ATAD2: variants seen among roughly 807,000 people sequenced by gnomAD.
The protein encoded by ATAD2 is ATPase family AAA domain-containing protein 2.
A neutral mutation model predicts 168.9 loss-of-function variants in ATAD2; 62 were observed. The ratio of observed to expected loss-of-function variants is 0.37; its 90% CI spans 0.30 to 0.45. The LOEUF is 0.45. Ranked by LOEUF, ATAD2 falls within the 20% of genes least tolerant of loss-of-function variation. The pLI, the probability that ATAD2 is intolerant of heterozygous loss-of-function variation, is 1.00. For synonymous variants in ATAD2, 613 were observed against 571.6 expected, an observed-to-expected ratio of 1.07 and a Z score of -1.03; for missense variants, 1,419 against 1,667.8, an observed-to-expected ratio of 0.85 and a Z score of 2.60.
At chr8:123,343,146 G>T (rs999402503) in intron 19 of ATAD2, among the ~76,000 whole-genome samples, 2 of 151,868 alleles carry the variant, frequency 1.3e-5, no homozygotes, top group Non-Finnish European at 2.9e-5. Context: ...CACCATGTCC[G>T]GCTAATTTTT....
chr8:123,343,568 T>C (rs1828133390), intron 19 of ATAD2, among the ~76,000 whole-genome samples: 2 of 152,138 alleles, frequency 1.3e-5, no homozygotes, highest in African/African-American at 4.8e-5. Context: ...TTCCTACTAG[T>C]GTTCTAAAAA....
chr8:123,343,626 C>T (rs1246370635), intron 19 of ATAD2, among the ~76,000 whole-genome samples: 2 of 152,134 alleles, frequency 1.3e-5, no homozygotes, highest in African/African-American at 2.4e-5. Context: ...TAAACTCATT[C>T]ATTAAAATAC....
At chr8:123,401,085 C>T (rs778102508), upstream of ATAD2, 14 of 1,551,582 alleles carry the variant, frequency 9.0e-6, no homozygotes, top group African/African-American at 1.1e-4. Context: ...CTGAGAAGGA[C>T]CACACCACCC....
chr8:123,325,849 T>G (rs1827600038), intron 26 of ATAD2, 44 bp downstream of exon 26: 1 of 1,600,578 alleles, frequency 6.2e-7, no homozygotes, highest in Non-Finnish European at 8.5e-7. Context: ...GTTTGGGGAT[T>G]AGTAATCTGC....
Position 123,347,892 on chromosome 8 carries a change from A to G in ATAD2, c.1897+291T>C, listed in dbSNP as rs937036567. The G allele has an allele frequency of 9.0e-6, 3 of 334,170 alleles. No homozygotes were observed. In the South Asian group the frequency reaches 1.1e-4, roughly 12 times the overall value. 20.7% of individuals were successfully genotyped at this position (334,170 alleles called of 1,614,324 possible). On this transcript the variant is annotated intron_variant, in intron 15 of 27. Transcript: ENST00000287394. ...GCTATTATCTTATTATGATATAATA[A>G]TATATTGTATTTTGTACAATTATAT...
chr8:123,396,181 A>T lies in ATAD2; in HGVS notation c.171+6T>A. 2 of 1,565,528 alleles carry T rather than the reference A, an allele frequency of 1.3e-6. No individual in the cohort carries two copies. Among genetic ancestry groups the T allele is most frequent in the Non-Finnish European group, 1.7e-6 (2 of 1,162,110 alleles). Reference sequence around the variant, plus strand: ...CCCTGGGAGCCCGCCTCAGGCCCGTACTCACGCCCGCTTTGGCTGTGGTCG... The same window carrying T: ...CCCTGGGAGCCCGCCTCAGGCCCGTTCTCACGCCCGCTTTGGCTGTGGTCG... On this transcript the variant is annotated splice_donor_region_variant and intron_variant, in intron 1 of 27. Coordinates refer to ENST00000287394, the MANE Select transcript of ATAD2 (RefSeq NM_014109.4).
chr8:123,380,037 C>G (rs1407285537), intron 2 of ATAD2, among the ~76,000 whole-genome samples: 1 of 151,910 alleles, frequency 6.6e-6, no homozygotes. Flanking sequence ...CAGGCATGCG[C>G]CACCATGCCC....
At chr8:123,371,924 T>C (rs1217631634) in intron 3 of ATAD2, 89 bp from the exon 4 acceptor site, 6 of 1,222,352 alleles carry the variant, frequency 4.9e-6, no homozygotes, top group Admixed American at 6.8e-5. Flanking sequence ...TGAAAAGCTA[T>C]ACTTTCATGT....
rs182855154 is a variant in ATAD2 at position 123,325,487 on chromosome 8, C to T, written c.4002+406G>A. On this transcript the variant is annotated intron_variant, in intron 26 of 27. Transcript: ENST00000287394. ...ATTTTTAGTAGAGATGGGGTTTCAC[C>T]GTGTTAGCCAGGATGGTCTCAATCT... Among the ~76,000 whole-genome samples the T allele has an allele frequency of 1.2e-3, 177 of 152,104 alleles. 1 individual carries two copies. The highest frequency in any genetic ancestry group is 4.1e-3 in the African/African-American group (172 of 41,500).
At chr8:123,328,724 C>T (rs1254094723) in intron 24 of ATAD2, 145 bp from the exon 25 acceptor site, 1 of 859,410 alleles carries the variant, frequency 1.2e-6, no homozygotes, top group East Asian at 3.1e-5. Context: ...AAGAATAGAG[C>T]ATACTGTGAG....
Position 123,333,941 on chromosome 8 carries a change from A to C in ATAD2, c.3415T>G (p.Ser1139Ala), listed in dbSNP as rs1287993534. 1 of 1,614,150 alleles carries C rather than the reference A, an allele frequency of 6.2e-7. No individual in the cohort carries two copies. The highest frequency in any genetic ancestry group is 8.5e-7 in the Non-Finnish European group (1 of 1,179,998). Residue 1139 changes from serine (S) to alanine (A), a missense_variant, in exon 24 of 28, where the codon TCA (serine) becomes GCA (alanine). Around this residue, in one of 5 missense-constraint regions of ATAD2, gnomAD observed 303 missense variants for 304.3 expected, o/e 1.00. Transcript: ENST00000287394. ...QNSTLVGDKR[S>A]DPEQNEKLKT... Reference sequence around the variant, plus strand: ...AGCTTTTCATTCTGCTCTGGGTCTGATCTTTTATCACCAACAAGAGTGGAA... The same window carrying C: ...AGCTTTTCATTCTGCTCTGGGTCTGCTCTTTTATCACCAACAAGAGTGGAA...
chr8:123,323,053 G>A lies in ATAD2; in HGVS notation c.4016C>T (p.Thr1339Ile), dbSNP rs1379620468. The part of the protein sequence containing the change: ...DHERLKNLLK[T>I]VVKKSQNYNI... ...GTAGTTTTGACTTTTTTTAACAACA[G>A]TCTTCAAAAGATTCTAAAAGAAAAT... The change falls in exon 27 of 28, where the codon ACT (threonine) becomes ATT (isoleucine). Residue 1339 changes from threonine to isoleucine, a missense_variant. Transcript: ENST00000287394. 6.2e-7 allele frequency: 1 copy of A among 1,609,774 alleles called. No individual in the cohort carries two copies. The highest frequency in any genetic ancestry group is 8.5e-7 in the Non-Finnish European group (1 of 1,177,508).
chr8:123,330,121 T>C (rs534316526), intron 24 of ATAD2, among the ~76,000 whole-genome samples: 217 of 151,422 alleles, frequency 1.4e-3, no homozygotes, highest in Non-Finnish European at 2.5e-3. Context: ...CCCAAGAAGG[T>C]AGGGCTACAA....
At chr8:123,395,087 C>T (rs1453629251) in intron 1 of ATAD2, among the ~76,000 whole-genome samples, 1 of 152,132 alleles carries the variant, frequency 6.6e-6, no homozygotes, top group Non-Finnish European at 1.5e-5. Flanking sequence ...TTGTCACTTC[C>T]ACCACACATT....
upstream of ATAD2, among the ~76,000 whole-genome samples, chr8:123,399,642 G>A (rs1812971611): frequency 6.7e-6 from 1 of 150,072 alleles, no homozygotes; most frequent in Non-Finnish European, 1.5e-5. Context: ...ATCACCTGAG[G>A]TCGGGAGTTC....
chr8:123,333,783 A>C, intron 24 of ATAD2, 95 bp downstream of exon 24: 1 of 1,330,396 alleles, frequency 7.5e-7, no homozygotes, highest in Non-Finnish European at 1.0e-6. Context: ...AATTCACTGC[A>C]TTAACACAAA....
chr8:123,346,696 G>C lies in ATAD2; in HGVS notation c.2267C>G (p.Pro756Arg), dbSNP rs1005895494. Residue 756 changes from proline to arginine, a missense_variant, in exon 17 of 28, where the codon CCA (proline) becomes CGA (arginine). Physicochemically the swap from Pro to Arg is moderately radical, Grantham distance 103. This residue lies in a region of ATAD2 where 545 missense variants were observed against 724.9 expected (regional missense o/e 0.75). Coordinates refer to ENST00000287394, the MANE Select transcript of ATAD2 (RefSeq NM_014109.4). ...AGAAAGTCCATTTTCATAAACTGAT[G>C]GAACATCATCATCACTGTAAGCCAA... ...SDLAYSDDDV[P>R]SVYENGLSQK... The C allele has an allele frequency of 1.3e-6, 2 of 1,595,746 alleles. No individual in the cohort carries two copies. The highest frequency in any genetic ancestry group is 1.8e-5 in the Admixed American group (1 of 56,968).
At chr8:123,392,360 T>C (rs917462742) in intron 1 of ATAD2, among the ~76,000 whole-genome samples, 6 of 152,174 alleles carry the variant, frequency 3.9e-5, no homozygotes, top group African/African-American at 1.4e-4. Flanking sequence ...ATGGTGCTTA[T>C]GGTAAACATC....
intron 2 of ATAD2, among the ~76,000 whole-genome samples, chr8:123,373,228 G>A (rs1490172936): frequency 6.6e-6 from 1 of 151,420 alleles, no homozygotes; most frequent in Non-Finnish European, 1.5e-5. Context: ...GATGGGGCGG[G>A]GGGGGTCTCG....
Sources: gnomAD v4.1 joint callset for allele counts (sites outside exome capture counted in the v4.1 genomes callset) on GRCh38, gnomAD v4.1.1 for gene constraint, gnomAD v4.1.1 regional missense constraint, MANE v1.5 for transcripts, NCBI Gene and HGNC (gene_info 2026-07-23, HGNC 2026-07-21) for gene names.